Variants in CERS1 observed in about 807,000 individuals in gnomAD.
CERS1 encodes Embryonic growth/differentiation factor 1.
In CERS1, 16 loss-of-function variants were observed where a neutral mutation model predicts 35.7. The observed-to-expected ratio is 0.45, with a 90% CI of 0.30 to 0.68. The LOEUF (loss-of-function observed/expected upper bound fraction) is 0.68. Among genes scored for constraint, CERS1 ranks in the 30% least tolerant of loss-of-function variants. CERS1 has a pLI of 0.08. For synonymous variants in CERS1, 243 were observed against 201.6 expected (o/e 1.21, Z -1.74); for missense variants, 454 against 453.9 (o/e 1.00, Z 0.00).
Position 18,893,287 on chromosome 19 carries a change from T to C in CERS1, c.409+129A>G, listed in dbSNP as rs2056540994. ...TGGAGTGCAGTGGCGTGCTCATAGC[T>C]CCCCTTGGCCTCCAACTCCTGGGCT... On this transcript the variant is annotated intron_variant, in intron 2 of 7. Transcript: ENST00000623882. 4 of 1,012,962 alleles carry C rather than the reference T, an allele frequency of 3.9e-6. No individual in the cohort carries two copies. The South Asian group carries it at 5.0e-5, about 13-fold the overall frequency. 62.7% of individuals were successfully genotyped at this position (1,012,962 alleles called of 1,614,324 possible).
intron 1 of CERS1, among the ~76,000 whole-genome samples, chr19:18,894,102 TG>T (rs1337359394): frequency 1.4e-4 from 8 of 56,510 alleles, no homozygotes; most frequent in Non-Finnish European, 1.9e-4. Flanking sequence ...CATGGGAACC[TG>T]GGGGCGATGA....
At chr19:18,879,214 T>C in intron 5 of CERS1, 27 bp downstream of exon 5, 7 of 1,612,924 alleles carry the variant, frequency 4.3e-6, no homozygotes, top group African/African-American at 4.0e-5. Context: ...GGACCGCCAC[T>C]GTGGAGGAGA....
At chr19:18,872,192 A>C (rs2055982287) in intron 6 of CERS1, among the ~76,000 whole-genome samples, 1 of 152,190 alleles carries the variant, frequency 6.6e-6, no homozygotes, top group African/African-American at 2.4e-5. Context: ...GGGGCTTTTT[A>C]TCAGAGCTTT....
Position 18,870,189 on chromosome 19 carries a change from A to G in CERS1, c.*388T>C. On this transcript the variant is annotated 3_prime_UTR_variant, in exon 7 of 8. Coordinates refer to ENST00000623882, the MANE Select transcript of CERS1 (RefSeq NM_021267.5). This position sits in a 1 kb window ranked among gnomAD's most constrained non-coding sequence, Gnocchi z 5.1. Reference sequence around the variant, plus strand: ...CTCATCGCGCAGTCCTAGAGCCTGGAGCAGGGCGGCGGCTGGGCCTGGGGG... The same window carrying G: ...CTCATCGCGCAGTCCTAGAGCCTGGGGCAGGGCGGCGGCTGGGCCTGGGGG... The G allele has an allele frequency of 6.4e-7, 1 of 1,563,336 alleles. No homozygotes were observed. The highest frequency in any genetic ancestry group is 8.6e-7 in the Non-Finnish European group (1 of 1,161,952).
At position 18,893,547 on chromosome 19, in the gene CERS1, G is replaced by A; in HGVS notation, c.278C>T (p.Pro93Leu). Residue 93 changes from proline to leucine, a missense_variant, in exon 2 of 8, where the codon CCC (proline) becomes CTC (leucine). Transcript: ENST00000623882. ...RPLAKRCCLQ[P>L]RDAAKMPESA... ...CTCGGGCATCTTGGCGGCATCTCTG[G>A]GCTGGAGGCAGCACCGCTTCGCCAG... 6.2e-7 allele frequency: 1 copy of A among 1,610,522 alleles called. No individual in the cohort carries two copies. Among genetic ancestry groups the A allele is most frequent in the Non-Finnish European group, 8.5e-7 (1 of 1,178,832 alleles).
At chr19:18,875,535 ACT>A (rs1205598092) in intron 6 of CERS1, among the ~76,000 whole-genome samples, 1 of 150,768 alleles carries the variant, frequency 6.6e-6, no homozygotes, top group East Asian at 1.9e-4. Flanking sequence ...AGAGCGAGAC[ACT>A]GTCTCAAAAA....
intron 2 of CERS1, among the ~76,000 whole-genome samples, chr19:18,886,863 G>GCCAC (rs2056374024): frequency 6.6e-6 from 1 of 152,172 alleles, no homozygotes; most frequent in Admixed American, 6.5e-5. Context: ...TTTGGCCCAT[G>GCCAC]CCACCCCCAC....
At chr19:18,869,449 C>T in intron 7 of CERS1, 59 bp from the exon 8 acceptor site, 1 of 1,511,146 alleles carries the variant, frequency 6.6e-7, no homozygotes, top group South Asian at 1.2e-5. Context: ...CCCATGGGGT[C>T]TCGGTTAGGG....
chr19:18,896,167 G>A, upstream of CERS1: 4 of 379,682 alleles, frequency 1.1e-5, no homozygotes, highest in East Asian at 3.3e-4. The surrounding 1 kb of genome is among the most constrained non-coding windows in gnomAD (Gnocchi z 5.9). Context: ...CTGGGCCGGG[G>A]GCGCGCGGGC....
rs749752973 is a variant in CERS1 at position 18,879,044 on chromosome 19, G to C, written c.901-5C>G. ...GGCTGCAAACGCCACGATGTACTGC[G>C]AGAGGGGAGGGGAGGTGCCAGTGAG... On this transcript the variant is annotated splice_polypyrimidine_tract_variant and splice_region_variant and intron_variant, in intron 5 of 7. Coordinates refer to ENST00000623882, the MANE Select transcript of CERS1 (RefSeq NM_021267.5). 8 of 1,612,958 alleles carry C rather than the reference G, an allele frequency of 5.0e-6. No homozygotes were observed. The highest frequency in any genetic ancestry group is 8.5e-7 in the Non-Finnish European group (1 of 1,179,744).
At chr19:18,875,828 T>TG (rs1415393118) in intron 6 of CERS1, among the ~76,000 whole-genome samples, 4 of 152,276 alleles carry the variant, frequency 2.6e-5, no homozygotes, top group Admixed American at 2.6e-4. Flanking sequence ...AGACTGAGAC[T>TG]GGAGCAATGC....
intron 2 of CERS1, among the ~76,000 whole-genome samples, chr19:18,892,961 G>C (rs574964020): frequency 1.2e-4 from 18 of 152,092 alleles, no homozygotes; most frequent in Admixed American, 7.9e-4. Context: ...CTGTTGCCCA[G>C]GCTGGAGTGC....
At chr19:18,887,485 A>T (rs2056389583) in intron 2 of CERS1, among the ~76,000 whole-genome samples, 1 of 152,170 alleles carries the variant, frequency 6.6e-6, no homozygotes, top group African/African-American at 2.4e-5. Context: ...TTCGCTTTAA[A>T]ATGGTTAATT....
At chr19:18,869,446 G>A (rs1023239483) in intron 7 of CERS1, 56 bp from the exon 8 acceptor site, 3 of 1,514,976 alleles carry the variant, frequency 2.0e-6, no homozygotes, top group Non-Finnish European at 2.6e-6. Flanking sequence ...CTGCCCATGG[G>A]GTCTCGGTTA....
Position 18,868,902 on chromosome 19 carries a change from GC to G in CERS1, c.*1082del. 1 of 1,387,672 alleles carries G rather than the reference GC, an allele frequency of 7.2e-7. No individual in the cohort carries two copies. The highest frequency in any genetic ancestry group is 9.4e-7 in the Non-Finnish European group (1 of 1,062,158). The allele number at this position is 1,387,672 out of a possible 1,614,324, so 86.0% of individuals were successfully genotyped here. ...CCCACCTCGCGGAAGCTCACGTACAGCCGCCGCGCGCGACAAGCGCCCCCGG... is the reference window on the plus strand; with the variant it reads ...CCCACCTCGCGGAAGCTCACGTACAGCGCCGCGCGCGACAAGCGCCCCCGG... On this transcript the variant is annotated 3_prime_UTR_variant, in exon 8 of 8. Coordinates refer to ENST00000623882, the MANE Select transcript of CERS1 (RefSeq NM_021267.5).
intron 6 of CERS1, among the ~76,000 whole-genome samples, chr19:18,871,654 T>C (rs1481564803): frequency 6.6e-6 from 1 of 152,230 alleles, no homozygotes; most frequent in Non-Finnish European, 1.5e-5. Context: ...AAAGGGCTTC[T>C]GTCACTTTAA....
At chr19:18,885,731 G>A (rs2056340213) in intron 2 of CERS1, among the ~76,000 whole-genome samples, 1 of 151,230 alleles carries the variant, frequency 6.6e-6, no homozygotes, top group African/African-American at 2.4e-5. Context: ...ATGTTGGCCA[G>A]GCTGGTCTTG....
Position 18,869,352 on chromosome 19 carries a change from C to T in CERS1, c.*633G>A, listed in dbSNP as rs754449715. ...ACGACTGTCCACTCAGGGCAATGCC[C>T]CGCGGCCGAGGCAGGCTCCGAGGCC... On this transcript the variant is annotated 3_prime_UTR_variant, in exon 8 of 8. Transcript: ENST00000623882. 1.3e-6 allele frequency: 2 copies of T among 1,532,318 alleles called. No homozygotes were observed. The highest frequency in any genetic ancestry group is 4.9e-5 in the East Asian group (2 of 40,440). 94.9% of individuals were successfully genotyped at this position (1,532,318 alleles called of 1,614,324 possible).
intron 2 of CERS1, among the ~76,000 whole-genome samples, chr19:18,885,543 G>T (rs1424200107): frequency 1.6e-5 from 2 of 128,592 alleles, no homozygotes; most frequent in Admixed American, 8.4e-5. Context: ...TTTTTGAGAT[G>T]GAGTCTTGCT....
Sources: gnomAD v4.1 joint callset for allele counts (sites outside exome capture counted in the v4.1 genomes callset) on GRCh38, gnomAD v4.1.1 for gene constraint, Gnocchi (gnomAD v3.1) non-coding constraint, MANE v1.5 for transcripts, NCBI Gene and HGNC (gene_info 2026-07-23, HGNC 2026-07-21) for gene names.